Variants in SMIM9 observed in about 807,000 individuals in gnomAD.
The protein encoded by SMIM9 is chromosome X open reading frame 68.
SMIM9 carries 8 observed loss-of-function variants against 7.2 expected under a neutral mutation model. The ratio of observed to expected loss-of-function variants is 1.10; its 90% CI spans 0.65 to 1.99. The LOEUF (loss-of-function observed/expected upper bound fraction) is 1.99, where lower values mean the gene tolerates loss of function less well. Ranked by LOEUF, SMIM9 falls within the 30% of genes most tolerant of loss-of-function variation. SMIM9 has a pLI of 0.00. For missense variants in SMIM9, 76 were observed against 69.3 expected (o/e 1.10, Z -0.34); for synonymous variants, 19 against 26.4 (o/e 0.72, Z 0.86).
intron 2 of SMIM9, among the ~76,000 whole-genome samples, chrX:154,831,389 TAACA>T (rs1181155716): frequency 8.9e-5 from 10 of 112,204 alleles, no homozygotes; most frequent in African/African-American, 3.3e-4. Context: ...TATATTCAAG[TAACA>T]AACTTTAAAT....
At chrX:154,830,510 A>C (rs782024286) in intron 3 of SMIM9, 1 of 385,876 alleles carries the variant, frequency 2.6e-6, no homozygotes, top group South Asian at 6.7e-5. Flanking sequence ...GAGGCTGTTC[A>C]ATTCCTAATC....
At chrX:154,832,992 G>A (rs150117773) in intron 1 of SMIM9, among the ~76,000 whole-genome samples, 3,815 of 111,534 alleles carry the variant, frequency 0.034, 151 homozygotes, top group African/African-American at 0.12. Flanking sequence ...GCCATGCTAT[G>A]CAAAATAGAA....
chrX:154,824,228 G>A (rs1334520926), intron 4 of SMIM9, among the ~76,000 whole-genome samples: 3 of 108,815 alleles, frequency 2.8e-5, no homozygotes, highest in Non-Finnish European at 5.7e-5. Flanking sequence ...GTGGTGGCGG[G>A]CGCCTGTAGT....
rs375492512 is a variant in SMIM9, at chrX:154,824,355, C to CAAA, written c.273-576_273-574dup. ...TGGGCGACAGAGCGAGACTCCGTCT[C>CAAA]AAAAAAAAAAAAAAAAAAAAAGAAA... On this transcript the variant is annotated intron_variant, in intron 4 of 4. Transcript: ENST00000369529. Among the ~76,000 whole-genome samples the CAAA allele has an allele frequency of 5.0e-3, 212 of 42,070 alleles. 4 individuals are homozygous for CAAA. The highest frequency in any genetic ancestry group is 0.024 in the Middle Eastern group (1 of 42). The allele number at this position is 42,070 out of a possible 115,157, so 36.5% of individuals were successfully genotyped here.
At chrX:154,824,352 T>A in intron 4 of SMIM9, among the ~76,000 whole-genome samples, 1 of 28,173 alleles carries the variant, frequency 3.5e-5, no homozygotes, top group Non-Finnish European at 6.5e-5. Context: ...CGAGACTCCG[T>A]CTCAAAAAAA....
intron 4 of SMIM9, among the ~76,000 whole-genome samples, chrX:154,825,172 G>A (rs887941304): frequency 1.8e-5 from 2 of 111,193 alleles, no homozygotes; most frequent in African/African-American, 3.3e-5. Flanking sequence ...GGTGGATCAC[G>A]AGATCAGGAG....
chrX:154,831,030 A>G, intron 2 of SMIM9, 75 bp from the exon 3 acceptor site: 1 of 463,427 alleles, frequency 2.2e-6, no homozygotes, highest in East Asian at 4.1e-5. Context: ...AGGACAATTG[A>G]CTGACTTACA....
At position 154,823,701 on chromosome X, in the gene SMIM9, C is replaced by T. The variant is rs2148550477; in HGVS notation, c.*54G>A. The T allele has an allele frequency of 9.2e-7, 1 of 1,086,333 alleles. No homozygotes were observed. Among genetic ancestry groups the T allele is most frequent in the Admixed American group, 3.3e-5 (1 of 29,983 alleles). 89.5% of individuals were successfully genotyped at this position (1,086,333 alleles called of 1,213,427 possible). ...TTAAGCAGATAGCAAATGCCCCACT[C>T]TTTTGGAGTCCAACTGGAGAGACCA... is the stretch of plus-strand genomic sequence containing the variant. On this transcript the variant is annotated 3_prime_UTR_variant, in exon 5 of 5. Transcript: ENST00000369529.
intron 1 of SMIM9, among the ~76,000 whole-genome samples, chrX:154,832,963 T>G (rs7051780): frequency 8.9e-6 from 1 of 112,139 alleles, no homozygotes; most frequent in Non-Finnish European, 1.9e-5. Flanking sequence ...TTTAATATGA[T>G]GTTGGGTGTG....
chrX:154,831,629 T>C (rs2072446355), intron 2 of SMIM9, among the ~76,000 whole-genome samples: 1 of 111,239 alleles, frequency 9.0e-6, no homozygotes, highest in East Asian at 2.8e-4. Context: ...GCCAAAGAGA[T>C]CTTGGTAGGT....
chrX:154,823,594 A>C lies in SMIM9; in HGVS notation c.*161T>G. ...AAGGATATTCACATTTTAAAATTGC[A>C]ACTTTTGAAGGAGAAAATGAAGGCA... On this transcript the variant is annotated 3_prime_UTR_variant, in exon 5 of 5. Coordinates refer to ENST00000369529, the MANE Select transcript of SMIM9 (RefSeq NM_001162936.4). The C allele has an allele frequency of 2.2e-6, 1 of 448,883 alleles. No individual in the cohort carries two copies. The highest frequency in any genetic ancestry group is 3.5e-6 in the Non-Finnish European group (1 of 286,488). The allele number at this position is 448,883 out of a possible 1,213,427, so 37.0% of individuals were successfully genotyped here.
intron 4 of SMIM9, among the ~76,000 whole-genome samples, chrX:154,825,356 C>A (rs1557270165): frequency 9.6e-6 from 1 of 104,570 alleles, no homozygotes; most frequent in Non-Finnish European, 2.0e-5. Flanking sequence ...GGTGCCACTG[C>A]ACTCCAGCCT....
intron 4 of SMIM9, among the ~76,000 whole-genome samples, chrX:154,829,180 C>T (rs2072433769): frequency 8.9e-6 from 1 of 111,757 alleles, no homozygotes; most frequent in Non-Finnish European, 1.9e-5. Flanking sequence ...GATAAATTTT[C>T]AGGAAATTGA....
At position 154,823,580 on chromosome X, in the gene SMIM9, C is replaced by A; in HGVS notation, c.*175G>T. The A allele has an allele frequency of 2.5e-6, 1 of 397,920 alleles. No individual in the cohort carries two copies. Among genetic ancestry groups the A allele is most frequent in the Non-Finnish European group, 4.2e-6 (1 of 240,016 alleles). 32.8% of individuals were successfully genotyped at this position (397,920 alleles called of 1,213,427 possible). A position where few individuals can be genotyped will look rare whatever the true frequency, so the allele number is the denominator to read the frequency against. Reference sequence around the variant, plus strand: ...ACCAAAACAGTAATAAGGATATTCACATTTTAAAATTGCAACTTTTGAAGG... The same window carrying A: ...ACCAAAACAGTAATAAGGATATTCAAATTTTAAAATTGCAACTTTTGAAGG... On this transcript the variant is annotated 3_prime_UTR_variant, in exon 5 of 5. Transcript: ENST00000369529.
rs1235107694 is a variant in SMIM9 at position 154,825,977 on chromosome X, C to T, written c.273-2195G>A. ...GGAGATATACCTAATGCTAAATGAC[C>T]AGTTAATGGGTGCAGCACACCAACA... On this transcript the variant is annotated intron_variant, in intron 4 of 4. Transcript: ENST00000369529. 1.8e-3 allele frequency among the ~76,000 whole-genome samples: 198 copies of T among 107,866 alleles called. 1 individual carries two copies. The highest frequency in any genetic ancestry group is 3.0e-3 in the Non-Finnish European group (158 of 51,939). 93.7% of individuals were successfully genotyped at this position (107,866 alleles called of 115,157 possible). A position where few individuals can be genotyped will look rare whatever the true frequency, so the allele number is the denominator to read the frequency against.
At chrX:154,833,923 C>T (rs1400047108) in intron 1 of SMIM9, among the ~76,000 whole-genome samples, 4 of 112,078 alleles carry the variant, frequency 3.6e-5, no homozygotes, top group Non-Finnish European at 7.5e-5. Flanking sequence ...CAGTCTCCCC[C>T]AGTTTCTTGC....
At chrX:154,827,797 C>T (rs2039161400) in intron 4 of SMIM9, among the ~76,000 whole-genome samples, 1 of 111,965 alleles carries the variant, frequency 8.9e-6, no homozygotes, top group South Asian at 3.8e-4. Flanking sequence ...TGGAAATATT[C>T]CACCCATATT....
At chrX:154,832,270 C>A (rs913506031) in intron 2 of SMIM9, among the ~76,000 whole-genome samples, 5 of 110,979 alleles carry the variant, frequency 4.5e-5, no homozygotes, top group Admixed American at 2.9e-4. Context: ...TAAGGGAAAT[C>A]TGATGGATAG....
intron 4 of SMIM9, among the ~76,000 whole-genome samples, chrX:154,825,633 C>T (rs782538151): frequency 4.8e-4 from 52 of 109,364 alleles, no homozygotes; most frequent in African/African-American, 1.4e-3. Flanking sequence ...ATGTTTATTG[C>T]GGCACTATTC....
Sources: gnomAD v4.1 joint callset for allele counts (sites outside exome capture counted in the v4.1 genomes callset) on GRCh38, gnomAD v4.1.1 for gene constraint, MANE v1.5 for transcripts, NCBI Gene and HGNC (gene_info 2026-07-23, HGNC 2026-07-21) for gene names.